Variants in CAST observed in about 807,000 individuals in gnomAD.
CAST encodes calpastatin.
A neutral mutation model predicts 119.6 loss-of-function variants in CAST; 76 were observed. That is an observed-to-expected ratio of 0.64 (90% CI 0.53 to 0.77). The LOEUF (loss-of-function observed/expected upper bound fraction) is 0.77, where lower values mean the gene tolerates loss of function less well. Among genes scored for constraint, CAST ranks in the 30% least tolerant of loss-of-function variants. CAST has a pLI of 0.00. For missense variants in CAST, 953 were observed against 946.5 expected (o/e 1.01, Z -0.09); for synonymous variants, 319 against 331.6 (o/e 0.96, Z 0.41).
intron 1 of CAST, among the ~76,000 whole-genome samples, chr5:96,554,543 A>G (rs1316255091): frequency 6.6e-6 from 1 of 152,262 alleles, no homozygotes; most frequent in Non-Finnish European, 1.5e-5. Context: ...ACAAAAGCCA[A>G]AATTGACAAA....
chr5:96,503,265 T>C, the CAST span, among the ~76,000 whole-genome samples: 1 of 152,244 alleles, frequency 6.6e-6, no homozygotes, highest in African/African-American at 2.4e-5. Context: ...TGTTTGTTTT[T>C]ATTCTTGGCT....
chr5:96,490,142 T>C, the CAST span, among the ~76,000 whole-genome samples: 2 of 152,194 alleles, frequency 1.3e-5, no homozygotes, highest in African/African-American at 4.8e-5. Context: ...CCCCTGCTTC[T>C]CTCTGTTCTT....
chr5:96,311,010 G>T, the CAST span, among the ~76,000 whole-genome samples: 2 of 151,678 alleles, frequency 1.3e-5, no homozygotes, highest in Non-Finnish European at 2.9e-5. Flanking sequence ...TTTCCTTGGG[G>T]CACAACATTG....
At chr5:96,608,959 C>G (rs1747307483) in intron 1 of CAST, among the ~76,000 whole-genome samples, 1 of 152,172 alleles carries the variant, frequency 6.6e-6, no homozygotes. Flanking sequence ...CCAAGCCTCT[C>G]CTCCAACACC....
At chr5:96,136,378 G>A in the CAST span, among the ~76,000 whole-genome samples, 2 of 151,268 alleles carry the variant, frequency 1.3e-5, no homozygotes, top group African/African-American at 4.9e-5. Context: ...TTGTTTTTGA[G>A]CACTTCCTTA....
chr5:96,411,801 T>A, the CAST span, among the ~76,000 whole-genome samples: 1 of 152,182 alleles, frequency 6.6e-6, no homozygotes, highest in Non-Finnish European at 1.5e-5. Context: ...TAGGGAAAAT[T>A]CATTTTATTT....
the CAST span, among the ~76,000 whole-genome samples, chr5:96,084,113 A>G: frequency 6.6e-6 from 1 of 152,324 alleles, no homozygotes; most frequent in African/African-American, 2.4e-5. Context: ...TTGCTGGTGA[A>G]CCAGAGGTAA....
the CAST span, among the ~76,000 whole-genome samples, chr5:96,001,102 G>A: frequency 1.3e-5 from 2 of 152,172 alleles, no homozygotes; most frequent in Middle Eastern, 3.2e-3. Flanking sequence ...TGCTCCCAGT[G>A]TAAAGTGGCA....
At chr5:96,339,158 T>C in the CAST span, among the ~76,000 whole-genome samples, 1 of 152,216 alleles carries the variant, frequency 6.6e-6, no homozygotes, top group Non-Finnish European at 1.5e-5. Flanking sequence ...CTAAGTACTT[T>C]AGCTGTGCAA....
the CAST span, among the ~76,000 whole-genome samples, chr5:96,472,780 G>A: frequency 1.3e-5 from 2 of 152,230 alleles, no homozygotes; most frequent in East Asian, 1.9e-4. Context: ...TCTAAACAAT[G>A]TAGGCATGAT....
the CAST span, among the ~76,000 whole-genome samples, chr5:95,992,381 G>A: frequency 6.6e-6 from 1 of 151,226 alleles, no homozygotes; most frequent in Non-Finnish European, 1.5e-5. Context: ...CTGATATTAT[G>A]TGATGAGAGG....
At chr5:96,353,329 A>G in the CAST span, among the ~76,000 whole-genome samples, 1 of 152,130 alleles carries the variant, frequency 6.6e-6, no homozygotes, top group African/African-American at 2.4e-5. Context: ...CCTACTAATC[A>G]CTTCCACTTA....
chr5:96,427,830 G>A, the CAST span, among the ~76,000 whole-genome samples: 1 of 152,194 alleles, frequency 6.6e-6, no homozygotes. Context: ...CGGGGACTAA[G>A]CCTAGCCAGA....
intron 1 of CAST, among the ~76,000 whole-genome samples, chr5:96,562,420 A>C (rs984817159): frequency 3.9e-5 from 6 of 152,216 alleles, no homozygotes; most frequent in Admixed American, 6.5e-5. Context: ...AATTACAACC[A>C]CAATGAAATA....
At chr5:96,246,901 A>C in the CAST span, among the ~76,000 whole-genome samples, 1 of 152,234 alleles carries the variant, frequency 6.6e-6, no homozygotes, top group East Asian at 1.9e-4. Flanking sequence ...GGAAGGATCA[A>C]AACTTTTTAA....
chr5:96,173,294 A>G, the CAST span, among the ~76,000 whole-genome samples: 63 of 152,372 alleles, frequency 4.1e-4, 1 homozygote, highest in African/African-American at 1.3e-3. Context: ...CAGGAACTCT[A>G]TGCCATCATA....
At chr5:96,252,395 G>T in the CAST span, among the ~76,000 whole-genome samples, 1 of 152,002 alleles carries the variant, frequency 6.6e-6, no homozygotes, top group East Asian at 1.9e-4. Context: ...GCTAAATTCT[G>T]AGTGTGCAAA....
intron 1 of CAST, among the ~76,000 whole-genome samples, chr5:96,548,573 T>C (rs1039082626): frequency 6.6e-6 from 1 of 152,082 alleles, no homozygotes. Flanking sequence ...GCTGCGGGCC[T>C]CTGCTACGCT....
chr5:96,521,847 G>A (rs934244422), upstream of CAST, among the ~76,000 whole-genome samples: 2 of 152,174 alleles, frequency 1.3e-5, no homozygotes, highest in African/African-American at 2.4e-5. Context: ...GGCCGGGTGC[G>A]GTGGCTCCGG....
Sources: allele counts gnomAD v4.1 joint callset (sites outside exome capture counted in the v4.1 genomes callset), GRCh38; gene constraint gnomAD v4.1.1; transcripts MANE v1.5; gene names NCBI Gene and HGNC (gene_info 2026-07-23, HGNC 2026-07-21).